The following CFAP206 variants were observed in gnomAD, a reference collection of about 807,000 sequenced individuals.
The protein encoded by CFAP206 is cilia and flagella associated protein 206.
Under a neutral mutation model 65.4 loss-of-function variants are expected in CFAP206, and 53 were observed. The observed-to-expected ratio is 0.81, with a 90% CI of 0.65 to 1.02. The LOEUF (loss-of-function observed/expected upper bound fraction) is 1.02, where lower values mean the gene tolerates loss of function less well. Ranked by LOEUF, CFAP206 falls within the 50% of genes least tolerant of loss-of-function variation. The probability of loss-of-function intolerance (pLI) is 0.00; values close to 1 mark genes in which losing one functional copy is unlikely to be tolerated. For synonymous variants in CFAP206, 250 were observed against 254.4 expected, an observed-to-expected ratio of 0.98 and a Z score of 0.17; for missense variants, 663 against 753.2, an observed-to-expected ratio of 0.88 and a Z score of 1.40.
In CFAP206 at chr6:87,427,224, G is replaced by A. The variant is rs558873600; in HGVS notation, c.960+579G>A. Among the ~76,000 whole-genome samples, 5 of 152,236 alleles carry A rather than the reference G, an allele frequency of 3.3e-5. No individual in the cohort carries two copies. In the East Asian group the frequency reaches 9.7e-4, roughly 29 times the overall value. ...GCAATCTCGGCTCACTGCAAGCTCC[G>A]CCTCCTGGGTTCACGCCATTCTCCT... On this transcript the variant is annotated intron_variant, in intron 8 of 12. Transcript: ENST00000369562.
rs773938782 is a variant in CFAP206 at position 87,413,898 on chromosome 6, G to T, written c.281G>T (p.Arg94Leu). The part of the protein sequence containing the change: ...QVYFDMNYTN[R>L]VEFLEEHHRV... ...TACTTCGATATGAATTATACGAATC[G>T]AGGTAATGTATACTACCTATTTTTA... The change falls in exon 4 of 13, where the codon CGA becomes CTA. Residue 94 changes from arginine (R) to leucine (L), a missense_variant and splice_region_variant. Physicochemically the swap from Arg to Leu is moderately radical, Grantham distance 102. Transcript: ENST00000369562. 27 of 1,511,982 alleles carry T rather than the reference G, an allele frequency of 1.8e-5. No individual in the cohort carries two copies. The highest frequency in any genetic ancestry group is 2.2e-5 in the Non-Finnish European group (25 of 1,132,944). 93.7% of individuals were successfully genotyped at this position (1,511,982 alleles called of 1,614,324 possible).
At chr6:87,431,004 A>G in intron 9 of CFAP206, 29 bp from the exon 10 acceptor site, 1 of 1,605,902 alleles carries the variant, frequency 6.2e-7, no homozygotes, top group Non-Finnish European at 8.5e-7. Context: ...TCACTGAATT[A>G]AAGCTTTTCT....
At chr6:87,445,301 C>T in intron 11 of CFAP206, 1 of 201,340 alleles carries the variant, frequency 5.0e-6, no homozygotes, top group Non-Finnish European at 9.9e-6. Flanking sequence ...CCCCTATCAA[C>T]CCATCACCTA....
At chr6:87,449,487 C>G (rs933244773) in intron 11 of CFAP206, among the ~76,000 whole-genome samples, 18 of 150,690 alleles carry the variant, frequency 1.2e-4, no homozygotes, top group Non-Finnish European at 1.9e-4. Context: ...ACGTCCTCAC[C>G]AGCATTTGTT....
At chr6:87,438,575 G>T (rs1240658468) in intron 11 of CFAP206, among the ~76,000 whole-genome samples, 1 of 152,074 alleles carries the variant, frequency 6.6e-6, no homozygotes, top group African/African-American at 2.4e-5. Context: ...CCTTTGTGCA[G>T]GATTGTGTTT....
chr6:87,421,708 T>A (rs959031716), intron 7 of CFAP206, among the ~76,000 whole-genome samples: 5 of 152,218 alleles, frequency 3.3e-5, no homozygotes, highest in African/African-American at 7.2e-5. Flanking sequence ...TGCATGTTAT[T>A]GTGCAAGTAA....
chr6:87,452,828 A>T (rs991798772), intron 11 of CFAP206, among the ~76,000 whole-genome samples: 7 of 152,184 alleles, frequency 4.6e-5, no homozygotes, highest in Non-Finnish European at 8.8e-5. Flanking sequence ...GCACATTTAC[A>T]GGATCTAAAA....
chr6:87,433,180 C>A (rs1192662227), intron 10 of CFAP206, among the ~76,000 whole-genome samples: 1 of 152,218 alleles, frequency 6.6e-6, no homozygotes, highest in Non-Finnish European at 1.5e-5. Context: ...CTTCCCTAAT[C>A]ACTCAATTTA....
intron 11 of CFAP206, among the ~76,000 whole-genome samples, chr6:87,453,174 G>A (rs1326767954): frequency 3.9e-5 from 6 of 151,962 alleles, no homozygotes; most frequent in African/African-American, 7.2e-5. Context: ...AGAATGGCAC[G>A]ACATACTTAA....
rs1768049004 is a variant in CFAP206, at chr6:87,426,639, A to G, written c.954A>G (p.Gln318=). ...IKSKIAVPTS[Q]VFPIFIALST... ...CAAAGATAGCGGTCCCAACATCACA[A>G]GTCTTTGTAAGTATTTGTCATAAAC... The change falls in exon 8 of 13, where the codon CAA becomes CAG. Residue 318 remains glutamine (Q), a synonymous_variant. Transcript: ENST00000369562. 1 of 1,575,782 alleles carries G rather than the reference A, an allele frequency of 6.3e-7. No homozygotes were observed. The highest frequency in any genetic ancestry group is 8.6e-7 in the Non-Finnish European group (1 of 1,162,720).
chr6:87,434,876 A>T lies in CFAP206; in HGVS notation c.1317A>T (p.Gly439=). Residue 439 remains glycine (G), a synonymous_variant, in exon 11 of 13, where the codon GGA becomes GGT. Coordinates refer to ENST00000369562, the MANE Select transcript of CFAP206 (RefSeq NM_001031743.3). ...GLLLPGNPAI[G]ILKYKEKYYT... ...TATTTTCAGGAAATCCAGCAATTGG[A>T]ATTTTAAAATATAAAGAAAAATATT... 7 of 1,384,598 alleles carry T rather than the reference A, an allele frequency of 5.1e-6. No individual in the cohort carries two copies. Among genetic ancestry groups the T allele is most frequent in the Non-Finnish European group, 7.0e-6 (7 of 1,005,240 alleles). The allele number at this position is 1,384,598 out of a possible 1,614,324, so 85.8% of individuals were successfully genotyped here.
chr6:87,414,306 AT>A (rs937677597), intron 4 of CFAP206, among the ~76,000 whole-genome samples: 11 of 151,924 alleles, frequency 7.2e-5, no homozygotes, highest in Admixed American at 6.6e-4. Context: ...CAATATGTAA[AT>A]TTTTTTTGAG....
At chr6:87,461,243 A>G in intron 12 of CFAP206, 78 bp downstream of exon 12, 1 of 946,264 alleles carries the variant, frequency 1.1e-6, no homozygotes, top group Non-Finnish European at 1.5e-6. Flanking sequence ...TTGGTAAATT[A>G]AATTATTTAT....
At chr6:87,462,388 G>A in intron 12 of CFAP206, among the ~76,000 whole-genome samples, 1 of 152,038 alleles carries the variant, frequency 6.6e-6, no homozygotes, top group East Asian at 1.9e-4. Flanking sequence ...TTACTCTCCT[G>A]TAGTTCATGA....
intron 11 of CFAP206, among the ~76,000 whole-genome samples, chr6:87,440,917 C>A (rs577744262): frequency 6.6e-6 from 1 of 152,272 alleles, no homozygotes; most frequent in African/African-American, 2.4e-5. Flanking sequence ...GTTTTTTCTA[C>A]AAGCACTCCA....
chr6:87,440,550 T>C (rs1357426420), intron 11 of CFAP206, among the ~76,000 whole-genome samples: 3 of 152,154 alleles, frequency 2.0e-5, no homozygotes, highest in South Asian at 2.1e-4. Context: ...GGACTGCAAA[T>C]GCAGGGAGCG....
chr6:87,453,352 A>G (rs977775132), intron 11 of CFAP206, among the ~76,000 whole-genome samples: 3 of 152,204 alleles, frequency 2.0e-5, no homozygotes, highest in Non-Finnish European at 2.9e-5. Context: ...TTCAATCTGA[A>G]AGAAAAGGAT....
At chr6:87,429,429 A>G (rs1768120079) in intron 9 of CFAP206, among the ~76,000 whole-genome samples, 1 of 152,186 alleles carries the variant, frequency 6.6e-6, no homozygotes, top group African/African-American at 2.4e-5. Flanking sequence ...AGAAAAGAAT[A>G]TTAATCATTG....
At chr6:87,420,968 T>C (rs1469560808) in intron 7 of CFAP206, among the ~76,000 whole-genome samples, 2 of 152,224 alleles carry the variant, frequency 1.3e-5, no homozygotes, top group Non-Finnish European at 2.9e-5. Flanking sequence ...TCAGTCTTAG[T>C]GACAATTAAG....
Sources: gnomAD v4.1 joint callset for allele counts (sites outside exome capture counted in the v4.1 genomes callset) on GRCh38, gnomAD v4.1.1 for gene constraint, MANE v1.5 for transcripts, NCBI Gene and HGNC (gene_info 2026-07-23, HGNC 2026-07-21) for gene names.